PCSK5: variants seen among roughly 807,000 people sequenced by gnomAD.
PCSK5 encodes prohormone convertase 5.
PCSK5 carries 129 observed loss-of-function variants against 233.2 expected under a neutral mutation model. The observed-to-expected ratio is 0.55, with a 90% confidence interval of 0.48 to 0.64. The LOEUF (loss-of-function observed/expected upper bound fraction) is 0.64. Among genes scored for constraint, PCSK5 ranks in the 30% least tolerant of loss-of-function variants. The probability of loss-of-function intolerance (pLI) is 0.00; values close to 1 mark genes in which losing one functional copy is unlikely to be tolerated. For synonymous variants in PCSK5, 825 were observed against 879.2 expected, an observed-to-expected ratio of 0.94 and a Z score of 1.09; for missense variants, 2,076 against 2,430.1, an observed-to-expected ratio of 0.85 and a Z score of 3.06.
intron 8 of PCSK5, among the ~76,000 whole-genome samples, chr9:76,098,481 C>T (rs191405779): frequency 7.2e-5 from 11 of 152,356 alleles, no homozygotes; most frequent in Admixed American, 7.2e-4. Context: ...TGTCTTCTAA[C>T]TCATGGTCAA....
intron 2 of PCSK5, among the ~76,000 whole-genome samples, chr9:75,940,371 T>G (rs7048126): frequency 0.53 from 80,510 of 152,076 alleles, 21,555 homozygotes; most frequent in African/African-American, 0.56. Context: ...CAAGTTCAAG[T>G]CTTTAGCTTC....
intron 3 of PCSK5, among the ~76,000 whole-genome samples, chr9:76,019,545 A>T (rs114811654): frequency 0.011 from 1,668 of 152,268 alleles, 33 homozygotes; most frequent in African/African-American, 0.039. Flanking sequence ...AGAGAAATTT[A>T]AAAAATATAA....
rs970925399 is a variant in PCSK5, at chr9:76,316,499, G to A, written c.3885-4923G>A. ...AGCACTTTGGGATGCCATGGTGGGC[G>A]CACTGCTTGAGGCCAGGAGTTTGAG... On this transcript the variant is annotated intron_variant, in intron 30 of 37. Transcript: ENST00000674117. Among the ~76,000 whole-genome samples, 5 of 151,520 alleles carry A rather than the reference G, an allele frequency of 3.3e-5. No individual in the cohort carries two copies. In the South Asian group the frequency reaches 8.3e-4, roughly 25 times the overall value.
At chr9:75,939,581 C>G (rs1824209945) in intron 2 of PCSK5, among the ~76,000 whole-genome samples, 1 of 152,110 alleles carries the variant, frequency 6.6e-6, no homozygotes, top group African/African-American at 2.4e-5. Context: ...CGGAGAAGAT[C>G]ATTTTCTTTC....
At chr9:76,045,315 A>G (rs906119377) in intron 5 of PCSK5, among the ~76,000 whole-genome samples, 7 of 152,188 alleles carry the variant, frequency 4.6e-5, no homozygotes, top group Non-Finnish European at 7.4e-5. Flanking sequence ...TGCAAGAGAA[A>G]AGTTTTAAAA....
At chr9:75,915,903 C>T (rs1587357286) in intron 1 of PCSK5, among the ~76,000 whole-genome samples, 1 of 152,212 alleles carries the variant, frequency 6.6e-6, no homozygotes, top group South Asian at 2.1e-4. Flanking sequence ...CAATCTAGTG[C>T]GGGAAGTTAC....
intron 35 of PCSK5, among the ~76,000 whole-genome samples, chr9:76,343,363 G>T (rs558919655): frequency 6.6e-6 from 1 of 151,162 alleles, no homozygotes; most frequent in African/African-American, 2.4e-5. Context: ...GTGTGTGTGT[G>T]TGTGTGTGTG....
chr9:76,083,308 T>A (rs1248243692), intron 7 of PCSK5, among the ~76,000 whole-genome samples: 1 of 152,022 alleles, frequency 6.6e-6, no homozygotes, highest in African/African-American at 2.4e-5. Flanking sequence ...GGAGAAATCA[T>A]GCAGTTTTTT....
At chr9:76,248,504 G>A (rs1826691087) in intron 24 of PCSK5, among the ~76,000 whole-genome samples, 1 of 152,026 alleles carries the variant, frequency 6.6e-6, no homozygotes, top group African/African-American at 2.4e-5. Context: ...GAAAGAATTA[G>A]GAAATCATCA....
In PCSK5 at chr9:76,354,037, A is replaced by G. The variant is rs1830233524; in HGVS notation, c.5072A>G (p.Glu1691Gly). The change falls in exon 37 of 38, where the codon GAG (glutamate) becomes GGG (glycine). Residue 1691 changes from glutamate to glycine, a missense_variant. Around this residue, in one of 6 missense-constraint regions of PCSK5, gnomAD observed 1,510 missense variants for 1,538.1 expected, o/e 0.98. Transcript: ENST00000674117. ...CCTCTTGATTGCTCTTAACAGGGAG[A>G]GAAGTTTAACTGTGAAAAATGCCAC... ...LVGEYRVGEG[E>G]KFNCEKCHES... 5 of 1,607,274 alleles carry G rather than the reference A, an allele frequency of 3.1e-6. No homozygotes were observed. Among genetic ancestry groups the G allele is most frequent in the East Asian group, 4.5e-5 (2 of 44,786 alleles).
At chr9:75,983,604 G>C (rs1380191273) in intron 2 of PCSK5, among the ~76,000 whole-genome samples, 1 of 152,148 alleles carries the variant, frequency 6.6e-6, no homozygotes, top group Non-Finnish European at 1.5e-5. Context: ...AGGTCCTGTA[G>C]CTTTTACACC....
chr9:76,262,792 T>G (rs1387858143), intron 24 of PCSK5, among the ~76,000 whole-genome samples: 2 of 150,534 alleles, frequency 1.3e-5, no homozygotes, highest in African/African-American at 4.9e-5. Context: ...CTAATTAAAC[T>G]AAAGAGCTTC....
rs559785998 is a variant in PCSK5 at position 76,308,392 on chromosome 9, C to G, written c.3605-253C>G. On this transcript the variant is annotated intron_variant, in intron 28 of 37. Coordinates refer to ENST00000674117, the MANE Select transcript of PCSK5 (RefSeq NM_001372043.1). Reference sequence around the variant, plus strand: ...AGGCTATCTTGTAGAATACCACATTCCTTGTGGTACCACACATTCGTGTGG... The same window carrying G: ...AGGCTATCTTGTAGAATACCACATTGCTTGTGGTACCACACATTCGTGTGG... Among the ~76,000 whole-genome samples the G allele has an allele frequency of 3.3e-5, 5 of 152,344 alleles. No individual in the cohort carries two copies. In the East Asian group the frequency reaches 9.6e-4, roughly 29 times the overall value.
chr9:76,031,728 T>C (rs1439883623), intron 5 of PCSK5, among the ~76,000 whole-genome samples: 1 of 152,138 alleles, frequency 6.6e-6, no homozygotes, highest in Admixed American at 6.5e-5. Context: ...AGATTATCAA[T>C]AAAATGTGTA....
At chr9:75,896,211 C>G in intron 1 of PCSK5, among the ~76,000 whole-genome samples, 1 of 152,170 alleles carries the variant, frequency 6.6e-6, no homozygotes, top group Non-Finnish European at 1.5e-5. Flanking sequence ...AAAAACAATT[C>G]AGAGTGCATG....
At chr9:75,981,149 G>A (rs992516006) in intron 2 of PCSK5, among the ~76,000 whole-genome samples, 16 of 152,050 alleles carry the variant, frequency 1.1e-4, no homozygotes, top group African/African-American at 3.9e-4. Flanking sequence ...TATTAATCTC[G>A]TATCTTCACA....
intron 2 of PCSK5, among the ~76,000 whole-genome samples, chr9:75,954,551 T>A (rs575629489): frequency 7.9e-5 from 12 of 152,326 alleles, no homozygotes; most frequent in African/African-American, 2.9e-4. Context: ...AAGATCAAAT[T>A]TACTCATAAT....
intron 8 of PCSK5, among the ~76,000 whole-genome samples, chr9:76,102,619 A>G (rs1270460365): frequency 6.6e-6 from 1 of 152,204 alleles, no homozygotes; most frequent in Non-Finnish European, 1.5e-5. Flanking sequence ...TTTGAAATCT[A>G]AAACACCTCT....
chr9:76,107,379 A>C (rs1354305432), intron 9 of PCSK5, 28 bp downstream of exon 9: 10 of 1,463,212 alleles, frequency 6.8e-6, no homozygotes, highest in Admixed American at 1.7e-5. Context: ...TATGTCTTCA[A>C]TGGTGACAAC....
Sources: allele counts gnomAD v4.1 joint callset (sites outside exome capture counted in the v4.1 genomes callset), GRCh38; gene constraint gnomAD v4.1.1; regional missense constraint gnomAD v4.1.1; transcripts MANE v1.5; gene names NCBI Gene and HGNC (gene_info 2026-07-23, HGNC 2026-07-21).